Variants in ATRNL1 observed in about 807,000 individuals in gnomAD.
ATRNL1 encodes the protein attractin-like protein 1.
ATRNL1 carries 95 observed loss-of-function variants against 182.7 expected under a neutral mutation model. The ratio of observed to expected loss-of-function variants is 0.52; its 90% confidence interval spans 0.44 to 0.62. The LOEUF is 0.62. Among genes scored for constraint, ATRNL1 ranks in the 20% least tolerant of loss-of-function variants. The pLI, the probability that ATRNL1 is intolerant of heterozygous loss-of-function variation, is 0.00. For synonymous variants in ATRNL1, 576 were observed against 568.3 expected (o/e 1.01, Z -0.19); for missense variants, 1,471 against 1,679.5 (o/e 0.88, Z 2.17).
chr10:115,667,719 A>G (rs932780774), intron 26 of ATRNL1, among the ~76,000 whole-genome samples: 2 of 151,110 alleles, frequency 1.3e-5, no homozygotes, highest in African/African-American at 2.4e-5. Context: ...CAGTGGTGTG[A>G]TCATGACTCA....
At chr10:115,808,807 A>C (rs1173789080) in intron 27 of ATRNL1, among the ~76,000 whole-genome samples, 3 of 152,034 alleles carry the variant, frequency 2.0e-5, no homozygotes, top group Non-Finnish European at 2.9e-5. Flanking sequence ...TTGACCACTG[A>C]TATAACTTTG....
chr10:115,816,876 T>C (rs1950177906), intron 27 of ATRNL1, among the ~76,000 whole-genome samples: 1 of 152,162 alleles, frequency 6.6e-6, no homozygotes, highest in South Asian at 2.1e-4. Context: ...TGGAATAGAA[T>C]CATGTCTGGA....
chr10:115,243,413 T>A (rs1850503578), intron 10 of ATRNL1, among the ~76,000 whole-genome samples: 1 of 152,102 alleles, frequency 6.6e-6, no homozygotes, highest in Non-Finnish European at 1.5e-5. Context: ...TCCTTCTATG[T>A]GCTAGGTACT....
chr10:115,387,085 C>A (rs1288187044), intron 19 of ATRNL1, among the ~76,000 whole-genome samples: 1 of 138,318 alleles, frequency 7.2e-6, no homozygotes, highest in African/African-American at 2.5e-5. Context: ...TACTATGAAG[C>A]CATAAAAAAT....
chr10:115,410,354 G>T, intron 20 of ATRNL1, among the ~76,000 whole-genome samples: 1 of 148,522 alleles, frequency 6.7e-6, no homozygotes, highest in East Asian at 2.0e-4. Context: ...ACAGAGTCTT[G>T]CTCTGTCACT....
At chr10:115,849,654 A>T (rs569198969) in intron 28 of ATRNL1, among the ~76,000 whole-genome samples, 2 of 152,282 alleles carry the variant, frequency 1.3e-5, no homozygotes, top group East Asian at 3.9e-4. Flanking sequence ...TGTTTTTCAC[A>T]TGTGATCCTC....
intron 27 of ATRNL1, among the ~76,000 whole-genome samples, chr10:115,837,238 T>TA (rs1211471218): frequency 5.3e-5 from 8 of 152,078 alleles, no homozygotes; most frequent in African/African-American, 1.9e-4. Flanking sequence ...TTTGGCCACA[T>TA]AAGGACTCCA....
At chr10:115,916,133 C>T (rs1471808591) in intron 28 of ATRNL1, among the ~76,000 whole-genome samples, 1 of 152,214 alleles carries the variant, frequency 6.6e-6, no homozygotes, top group Non-Finnish European at 1.5e-5. Context: ...AGAATGCTTT[C>T]CAGTTTAAAT....
chr10:115,308,254 T>C (rs1304815097), intron 17 of ATRNL1, among the ~76,000 whole-genome samples: 4 of 152,168 alleles, frequency 2.6e-5, no homozygotes, highest in African/African-American at 7.2e-5. Context: ...TGCTAATAAT[T>C]GGCATTATTA....
intron 26 of ATRNL1, among the ~76,000 whole-genome samples, chr10:115,605,066 A>G (rs1856805198): frequency 6.6e-6 from 1 of 152,190 alleles, no homozygotes; most frequent in African/African-American, 2.4e-5. Flanking sequence ...ATATTAGAAG[A>G]TGGCTGATTA....
chr10:115,555,406 CACTT>C (rs1448241318), intron 26 of ATRNL1, among the ~76,000 whole-genome samples: 1 of 151,714 alleles, frequency 6.6e-6, no homozygotes, highest in Admixed American at 6.6e-5. Context: ...CATATATAGA[CACTT>C]ACAGAGAGAT....
chr10:115,908,009 T>G lies in ATRNL1; in HGVS notation c.4019-36649T>G, dbSNP rs78612123. 6.8e-3 allele frequency among the ~76,000 whole-genome samples: 1,040 copies of G among 152,322 alleles called. 7 individuals are homozygous for G. The highest frequency in any genetic ancestry group is 0.012 in the Non-Finnish European group (798 of 68,022). ...AGTAATAGCTATTTTTCCTATCCATTACCATGCAAATTCCTGAATTATTTC... is the reference window on the plus strand; with the variant it reads ...AGTAATAGCTATTTTTCCTATCCATGACCATGCAAATTCCTGAATTATTTC... On this transcript the variant is annotated intron_variant, in intron 28 of 28. Coordinates refer to ENST00000355044, the MANE Select transcript of ATRNL1 (RefSeq NM_207303.4).
intron 26 of ATRNL1, among the ~76,000 whole-genome samples, chr10:115,627,324 A>G (rs1379297450): frequency 6.6e-6 from 1 of 152,066 alleles, no homozygotes; most frequent in Non-Finnish European, 1.5e-5. Context: ...TCTTTCACTT[A>G]TCTTTACGTT....
chr10:115,750,153 A>G (rs542722874), intron 27 of ATRNL1, among the ~76,000 whole-genome samples: 1 of 151,936 alleles, frequency 6.6e-6, no homozygotes, highest in African/African-American at 2.4e-5. Flanking sequence ...TCAAATCCTC[A>G]TGGGCAAGGA....
At chr10:115,552,271 T>A (rs1228986354) in intron 26 of ATRNL1, among the ~76,000 whole-genome samples, 3 of 151,380 alleles carry the variant, frequency 2.0e-5, no homozygotes, top group African/African-American at 7.2e-5. Context: ...TCTAATCCTC[T>A]CTTTATTCAG....
intron 24 of ATRNL1, among the ~76,000 whole-genome samples, chr10:115,499,362 C>T (rs1395113116): frequency 6.6e-6 from 1 of 152,032 alleles, no homozygotes; most frequent in Non-Finnish European, 1.5e-5. Flanking sequence ...TACAGCTTGA[C>T]CTTTAGCTAA....
At chr10:115,538,753 A>G (rs1852185996) in intron 25 of ATRNL1, among the ~76,000 whole-genome samples, 1 of 152,154 alleles carries the variant, frequency 6.6e-6, no homozygotes, top group African/African-American at 2.4e-5. Flanking sequence ...TTTTGACGTC[A>G]TATCCAAGGA....
intron 28 of ATRNL1, among the ~76,000 whole-genome samples, chr10:115,857,632 T>G (rs1555102426): frequency 6.6e-6 from 1 of 152,230 alleles, no homozygotes; most frequent in African/African-American, 2.4e-5. Context: ...TTCAGACTTT[T>G]AAATATATCT....
chr10:115,509,931 T>C (rs1297954399), intron 24 of ATRNL1, among the ~76,000 whole-genome samples: 1 of 152,004 alleles, frequency 6.6e-6, no homozygotes, highest in Admixed American at 6.6e-5. Context: ...TGGGAGTAGA[T>C]CAAGATATCA....
Sources: allele counts gnomAD v4.1 joint callset (sites outside exome capture counted in the v4.1 genomes callset), GRCh38; gene constraint gnomAD v4.1.1; transcripts MANE v1.5; gene names NCBI Gene and HGNC (gene_info 2026-07-23, HGNC 2026-07-21).